Variants in IL1RAPL2 observed in about 807,000 individuals in gnomAD.
IL1RAPL2 encodes the protein interleukin 1 receptor accessory protein like 2, also known as X-linked interleukin-1 receptor accessory protein-like 2.
A neutral mutation model predicts 44.1 loss-of-function variants in IL1RAPL2; 3 were observed. The ratio of observed to expected loss-of-function variants is 0.07; its 90% CI spans 0.03 to 0.18. The LOEUF (loss-of-function observed/expected upper bound fraction) is 0.18, where lower values mean the gene tolerates loss of function less well. Among genes scored for constraint, IL1RAPL2 ranks in the 10% least tolerant of loss-of-function variants. The pLI, the probability that IL1RAPL2 is intolerant of heterozygous loss-of-function variation, is 1.00. For missense variants in IL1RAPL2, 391 were observed against 496.4 expected, an observed-to-expected ratio of 0.79 and a Z score of 2.02; for synonymous variants, 181 against 178.8, an observed-to-expected ratio of 1.01 and a Z score of -0.10.
intron 6 of IL1RAPL2, among the ~76,000 whole-genome samples, chrX:105,506,365 A>T (rs770419406): frequency 9.0e-6 from 1 of 111,544 alleles, no homozygotes; most frequent in South Asian, 3.8e-4. Flanking sequence ...CTGGGCCTGG[A>T]ACAACCCATA....
chrX:105,687,455 T>G (rs210425), intron 6 of IL1RAPL2, among the ~76,000 whole-genome samples: 1 of 110,231 alleles, frequency 9.1e-6, no homozygotes, highest in Non-Finnish European at 1.9e-5. Context: ...AATACCTCTA[T>G]GCAAATAAAC....
At chrX:105,511,921 G>T (rs2036472775) in intron 6 of IL1RAPL2, among the ~76,000 whole-genome samples, 1 of 109,625 alleles carries the variant, frequency 9.1e-6, no homozygotes, top group Non-Finnish European at 1.9e-5. Context: ...CGTTTATACA[G>T]GTCCTTTTAC....
At chrX:104,896,332 C>A (rs1202191633) in intron 2 of IL1RAPL2, among the ~76,000 whole-genome samples, 1 of 111,799 alleles carries the variant, frequency 8.9e-6, no homozygotes, top group East Asian at 2.8e-4. Flanking sequence ...GCCAAGGACC[C>A]CTGGACCAAC....
At chrX:105,455,836 A>T (rs953150693) in intron 5 of IL1RAPL2, among the ~76,000 whole-genome samples, 3 of 111,978 alleles carry the variant, frequency 2.7e-5, no homozygotes, top group Non-Finnish European at 5.6e-5. Flanking sequence ...ATTTTAAAAT[A>T]CTTTCATCTA....
At chrX:105,458,845 G>A (rs759648691) in intron 5 of IL1RAPL2, among the ~76,000 whole-genome samples, 1 of 111,487 alleles carries the variant, frequency 9.0e-6, no homozygotes, top group East Asian at 2.8e-4. Flanking sequence ...CAGACAGGTC[G>A]AATAGAGACA....
intron 1 of IL1RAPL2, among the ~76,000 whole-genome samples, chrX:104,657,265 G>A (rs947078274): frequency 6.3e-5 from 7 of 111,164 alleles, no homozygotes; most frequent in African/African-American, 2.3e-4. Context: ...GTACTGGTAC[G>A]AAAACAGAGA....
At chrX:105,045,509 C>G (rs2031825768) in intron 2 of IL1RAPL2, among the ~76,000 whole-genome samples, 2 of 111,654 alleles carry the variant, frequency 1.8e-5, no homozygotes, top group Admixed American at 9.5e-5. Context: ...GGGGACTGCT[C>G]TTTGCATTAC....
intron 4 of IL1RAPL2, among the ~76,000 whole-genome samples, chrX:105,249,558 T>G (rs1186569942): frequency 2.7e-5 from 3 of 111,622 alleles, no homozygotes; most frequent in Non-Finnish European, 3.8e-5. Context: ...TTTTCTATGA[T>G]GTGATTATTA....
chrX:105,728,205 C>T (rs898940679), intron 7 of IL1RAPL2, among the ~76,000 whole-genome samples: 10 of 111,496 alleles, frequency 9.0e-5, no homozygotes, highest in African/African-American at 3.2e-4. Context: ...TCCCAGAACT[C>T]CTGGCAACTC....
At chrX:105,616,597 T>C (rs1324518508) in intron 6 of IL1RAPL2, among the ~76,000 whole-genome samples, 1 of 111,510 alleles carries the variant, frequency 9.0e-6, no homozygotes, top group Non-Finnish European at 1.9e-5. Flanking sequence ...AAAATATACA[T>C]ACAAGTCTTT....
At chrX:105,099,758 G>A (rs1372656599) in intron 2 of IL1RAPL2, among the ~76,000 whole-genome samples, 1 of 109,768 alleles carries the variant, frequency 9.1e-6, no homozygotes, top group East Asian at 2.9e-4. Flanking sequence ...GAGCCACCGC[G>A]CCCGGCCGCC....
intron 2 of IL1RAPL2, among the ~76,000 whole-genome samples, chrX:104,950,485 G>A (rs903047346): frequency 6.2e-5 from 7 of 112,555 alleles, no homozygotes; most frequent in African/African-American, 2.3e-4. Context: ...TCCTTGAGCT[G>A]TGGTGGGCTC....
At chrX:105,745,293 C>T (rs975094388) in intron 8 of IL1RAPL2, among the ~76,000 whole-genome samples, 3 of 111,802 alleles carry the variant, frequency 2.7e-5, no homozygotes, top group African/African-American at 9.7e-5. Flanking sequence ...TGGCAATATA[C>T]CTCAAATCTC....
intron 6 of IL1RAPL2, among the ~76,000 whole-genome samples, chrX:105,614,190 A>G (rs2037356666): frequency 8.9e-6 from 1 of 112,095 alleles, no homozygotes; most frequent in Non-Finnish European, 1.9e-5. Context: ...AGGACACACA[A>G]AAAAAGAAGG....
intron 6 of IL1RAPL2, among the ~76,000 whole-genome samples, chrX:105,676,663 T>C (rs202069115): frequency 8.9e-6 from 1 of 112,098 alleles, no homozygotes; most frequent in East Asian, 2.8e-4. Context: ...GCTACAAATA[T>C]TGGGAAATTG....
intron 6 of IL1RAPL2, among the ~76,000 whole-genome samples, chrX:105,582,548 T>A (rs1282945627): frequency 9.0e-6 from 1 of 111,181 alleles, no homozygotes; most frequent in Non-Finnish European, 1.9e-5. Context: ...ATATTTCTAA[T>A]TATTTTATAT....
chrX:104,675,592 A>T (rs1291496427), intron 2 of IL1RAPL2, among the ~76,000 whole-genome samples: 3 of 110,695 alleles, frequency 2.7e-5, no homozygotes, highest in African/African-American at 1.0e-4. Context: ...TGGGGTGGAG[A>T]GTTCTGTAGA....
chrX:105,527,311 GTC>G (rs761368654), intron 6 of IL1RAPL2, among the ~76,000 whole-genome samples: 20 of 111,023 alleles, frequency 1.8e-4, no homozygotes, highest in Non-Finnish European at 3.6e-4. Flanking sequence ...TACTATTTAT[GTC>G]TCTATGTGAA....
At chrX:105,761,493 T>C (rs2038688093) in intron 10 of IL1RAPL2, among the ~76,000 whole-genome samples, 1 of 111,999 alleles carries the variant, frequency 8.9e-6, no homozygotes, top group Non-Finnish European at 1.9e-5. Context: ...ATAGCAAATG[T>C]GTGATATTTT....
Sources: gnomAD v4.1 joint callset for allele counts (sites outside exome capture counted in the v4.1 genomes callset) on GRCh38, gnomAD v4.1.1 for gene constraint, MANE v1.5 for transcripts, NCBI Gene and HGNC (gene_info 2026-07-23, HGNC 2026-07-21) for gene names.